SCN10A: variants seen among roughly 807,000 people sequenced by gnomAD.
The protein encoded by SCN10A is sodium channel protein type 10 subunit alpha.
A neutral mutation model predicts 170.7 loss-of-function variants in SCN10A; 162 were observed. The observed-to-expected ratio is 0.95, with a 90% CI of 0.84 to 1.08. The LOEUF is 1.08. Ranked by LOEUF, SCN10A falls within the 50% of genes least tolerant of loss-of-function variation. The pLI, the probability that SCN10A is intolerant of heterozygous loss-of-function variation, is 0.00. For synonymous variants in SCN10A, 985 were observed against 904.6 expected (o/e 1.09, Z -1.59); for missense variants, 2,527 against 2,436.9 (o/e 1.04, Z -0.78).
chr3:38,736,361 C>CTGTG (rs68001863), intron 15 of SCN10A, among the ~76,000 whole-genome samples: 33,061 of 139,160 alleles, frequency 0.24, 4,508 homozygotes, highest in Non-Finnish European at 0.31. Flanking sequence ...TAGGGAAACT[C>CTGTG]TGTGTGTGTG....
chr3:38,739,346 A>G (rs1217984104), intron 15 of SCN10A, among the ~76,000 whole-genome samples, 169 bp downstream of exon 15: 1 of 152,202 alleles, frequency 6.6e-6, no homozygotes, highest in African/African-American at 2.4e-5. Flanking sequence ...TGAGTCAGCG[A>G]AAAGCTGGGG....
intron 27 of SCN10A, among the ~76,000 whole-genome samples, chr3:38,699,697 G>A (rs2063137171): frequency 6.6e-6 from 1 of 152,122 alleles, no homozygotes; most frequent in Non-Finnish European, 1.5e-5. Context: ...CATCGTGTAG[G>A]GTACATTATT....
chr3:38,726,497 A>T, intron 17 of SCN10A, 109 bp downstream of exon 17: 1 of 893,690 alleles, frequency 1.1e-6, no homozygotes, highest in Non-Finnish European at 1.6e-6. Flanking sequence ...GGCATGGTTT[A>T]AACTTCTTTA....
At chr3:38,714,335 G>T (rs989445309) in intron 21 of SCN10A, among the ~76,000 whole-genome samples, 1 of 152,306 alleles carries the variant, frequency 6.6e-6, no homozygotes, top group Admixed American at 6.5e-5. Flanking sequence ...CCAACCTCTG[G>T]TACGTAGGTG....
rs374943538 is a variant in SCN10A at position 38,772,741 on chromosome 3, A to AC, written c.471-1335_471-1334insG. Among the ~76,000 whole-genome samples the AC allele has an allele frequency of 1.3e-3, 179 of 138,872 alleles. 3 individuals are homozygous for AC. Among genetic ancestry groups the AC allele is most frequent in the African/African-American group, 4.4e-3 (167 of 37,664 alleles). The allele number at this position is 138,872 out of a possible 152,430, so 91.1% of individuals were successfully genotyped here. A position where few individuals can be genotyped will look rare whatever the true frequency, so the allele number is the denominator to read the frequency against. Reference sequence around the variant, plus strand: ...AACAACAACAAAAACAAAAACAAAAAAAAAAAAACCTGTACTAATATTTTT... The same window carrying AC: ...AACAACAACAAAAACAAAAACAAAAACAAAAAAAACCTGTACTAATATTTTT... On this transcript the variant is annotated intron_variant, in intron 4 of 27. Coordinates refer to ENST00000449082, the MANE Select transcript of SCN10A (RefSeq NM_006514.4).
Position 38,727,139 on chromosome 3 carries a change from A to G in SCN10A, c.2641-87T>C. On this transcript the variant is annotated intron_variant, in intron 16 of 27. Coordinates refer to ENST00000449082, the MANE Select transcript of SCN10A (RefSeq NM_006514.4). ...ACCGGGTTAGCAGCTGGCTGGCAAG[A>G]CAGCCACGGCCTGGGCCTCTTCCTG... The G allele has an allele frequency of 9.3e-6, 12 of 1,284,622 alleles. No homozygotes were observed. The South Asian group carries it at 1.3e-4, about 14-fold the overall frequency. The allele number at this position is 1,284,622 out of a possible 1,614,324, so 79.6% of individuals were successfully genotyped here.
chr3:38,740,244 A>C (rs1257531550), intron 14 of SCN10A, among the ~76,000 whole-genome samples: 1 of 152,232 alleles, frequency 6.6e-6, no homozygotes, highest in Admixed American at 6.5e-5. Context: ...CATTGCCTCT[A>C]AGATTCTTTT....
At chr3:38,776,390 TC>T (rs2064075437) in intron 4 of SCN10A, among the ~76,000 whole-genome samples, 1 of 152,064 alleles carries the variant, frequency 6.6e-6, no homozygotes, top group Admixed American at 6.5e-5. Flanking sequence ...AAGTGATGAC[TC>T]TTTTTTTTGA....
intron 1 of SCN10A, among the ~76,000 whole-genome samples, chr3:38,809,843 T>C (rs1258378553): frequency 6.6e-6 from 1 of 152,194 alleles, no homozygotes; most frequent in Non-Finnish European, 1.5e-5. Flanking sequence ...CTATATTATA[T>C]GGTTCCAACC....
Position 38,725,300 on chromosome 3 carries a change from C to T in SCN10A, c.3102G>A (p.Gln1034=), listed in dbSNP as rs369602237. 6 of 1,579,066 alleles carry T rather than the reference C, an allele frequency of 3.8e-6. No individual in the cohort carries two copies. Among genetic ancestry groups the T allele is most frequent in the Middle Eastern group, 1.7e-4 (1 of 5,950 alleles). ...GGTGGTCCCCACACCTCTCGACTTG[C>T]TGCAGCTGCTCCTGCTAGTGAGAGA... ...VIPKGQQEQL[Q]QVERCGDHLT... Residue 1034 remains glutamine (Q), a synonymous_variant, in exon 18 of 28, where the codon CAG becomes CAA. Transcript: ENST00000449082.
In SCN10A at chr3:38,789,001, A is replaced by G. The variant is rs750505680; in HGVS notation, c.425T>C (p.Val142Ala). Residue 142 changes from valine to alanine, a missense_variant, in exon 4 of 28, where the codon GTT (valine) becomes GCT (alanine). Val to Ala is a moderately conservative substitution (Grantham distance 64, BLOSUM62 0). Transcript: ENST00000449082. ...AGTTCGGGTCATGCACACACAATTA[A>G]CCAAAATAGTGACCGTAATAAATAA... Reference protein sequence around the residue: ...FSLFITVTILVNCVCMTRTDL... With the variant: ...FSLFITVTILANCVCMTRTDL... 6.2e-7 allele frequency: 1 copy of G among 1,612,358 alleles called. No homozygotes were observed.
intron 5 of SCN10A, among the ~76,000 whole-genome samples, chr3:38,767,207 G>C (rs2063942569): frequency 6.6e-6 from 1 of 151,176 alleles, no homozygotes; most frequent in South Asian, 2.1e-4. Context: ...CTTATCTTTT[G>C]TATTATTATT....
intron 1 of SCN10A, among the ~76,000 whole-genome samples, chr3:38,795,380 A>T (rs2064334003): frequency 7.6e-6 from 1 of 130,978 alleles, no homozygotes; most frequent in Admixed American, 9.0e-5. Context: ...TATCACTGTC[A>T]CCCGGACTAG....
chr3:38,787,212 A>T (rs986033019), intron 4 of SCN10A, among the ~76,000 whole-genome samples: 1 of 152,146 alleles, frequency 6.6e-6, no homozygotes, highest in Non-Finnish European at 1.5e-5. Flanking sequence ...AATACTTATT[A>T]TAATTTTCCT....
chr3:38,726,636 G>A lies in SCN10A; in HGVS notation c.3057C>T (p.Ser1019=), dbSNP rs1358978983. The A allele has an allele frequency of 6.3e-7, 1 of 1,598,030 alleles. No homozygotes were observed. Among genetic ancestry groups the A allele is most frequent in the Non-Finnish European group, 8.6e-7 (1 of 1,167,866 alleles). ...CTTTGGGGATCACTTCCTGCTGGAAGCTCTGAGCATCTTCCCCACCATCAT... is the reference window on the plus strand; with the variant it reads ...CTTTGGGGATCACTTCCTGCTGGAAACTCTGAGCATCTTCCCCACCATCAT... The part of the protein sequence containing the change: ...LEDDGGEDAQ[S]FQQEVIPKGQ... The change falls in exon 17 of 28, where the codon AGC becomes AGT. Residue 1019 remains serine, a synonymous_variant. Transcript: ENST00000449082.
chr3:38,737,078 C>T (rs1017790223), intron 15 of SCN10A, among the ~76,000 whole-genome samples: 8 of 145,756 alleles, frequency 5.5e-5, no homozygotes, highest in African/African-American at 2.1e-4. Flanking sequence ...TCACGCCATT[C>T]TCCTGCCTCA....
At chr3:38,724,920 G>A (rs1382947035) in intron 18 of SCN10A, among the ~76,000 whole-genome samples, 7 of 152,220 alleles carry the variant, frequency 4.6e-5, no homozygotes, top group African/African-American at 1.7e-4. Flanking sequence ...AGCTTGTGGA[G>A]TCTCACTCTT....
At chr3:38,707,193 T>A in intron 26 of SCN10A, 86 bp downstream of exon 26, 3 of 1,373,012 alleles carry the variant, frequency 2.2e-6, no homozygotes, top group South Asian at 1.3e-5. Flanking sequence ...TAAACAGCAC[T>A]CCCTCAGGCC....
At chr3:38,741,366 G>A (rs538359152) in intron 14 of SCN10A, among the ~76,000 whole-genome samples, 3 of 152,190 alleles carry the variant, frequency 2.0e-5, no homozygotes, top group South Asian at 2.1e-4. Context: ...TAAGAAAAGC[G>A]GGCTTGGCAG....
Sources: gnomAD v4.1 joint callset for allele counts (sites outside exome capture counted in the v4.1 genomes callset) on GRCh38, gnomAD v4.1.1 for gene constraint, MANE v1.5 for transcripts, NCBI Gene and HGNC (gene_info 2026-07-23, HGNC 2026-07-21) for gene names.